The following PTPN4 variants were observed in gnomAD, a reference collection of about 807,000 sequenced individuals.
The protein encoded by PTPN4 is tyrosine-protein phosphatase non-receptor type 4.
Under a neutral mutation model 135.5 loss-of-function variants are expected in PTPN4, and 49 were observed. The observed-to-expected ratio is 0.36, with a 90% CI of 0.29 to 0.46. The LOEUF is 0.46. Among genes scored for constraint, PTPN4 ranks in the 20% least tolerant of loss-of-function variants. The probability of loss-of-function intolerance (pLI) is 1.00; values close to 1 mark genes in which losing one functional copy is unlikely to be tolerated. For missense variants in PTPN4, 860 were observed against 1,101.0 expected, an observed-to-expected ratio of 0.78 and a Z score of 3.10; for synonymous variants, 333 against 369.9, an observed-to-expected ratio of 0.90 and a Z score of 1.14.
intron 12 of PTPN4, among the ~76,000 whole-genome samples, chr2:119,920,831 T>C (rs72971037): frequency 0.021 from 3,267 of 152,326 alleles, 116 homozygotes; most frequent in African/African-American, 0.074. Flanking sequence ...CTGATTAGTT[T>C]TACCTTTGGA....
chr2:119,970,287 T>G (rs201239349), intron 26 of PTPN4, among the ~76,000 whole-genome samples: 1 of 151,630 alleles, frequency 6.6e-6, no homozygotes, highest in African/African-American at 2.4e-5. Context: ...CTTGAACTCC[T>G]GACCTCAGGT....
chr2:119,807,501 T>C (rs558677822), intron 1 of PTPN4, among the ~76,000 whole-genome samples: 1 of 152,260 alleles, frequency 6.6e-6, no homozygotes, highest in South Asian at 2.1e-4. Flanking sequence ...CCTGGGCACA[T>C]ACACCCTCCC....
At chr2:119,880,987 A>C (rs1422113201) in intron 5 of PTPN4, among the ~76,000 whole-genome samples, 1 of 152,130 alleles carries the variant, frequency 6.6e-6, no homozygotes, top group Non-Finnish European at 1.5e-5. Flanking sequence ...TAGTGAAATA[A>C]AAAATCTTAA....
chr2:119,761,462 A>G (rs1445005675), intron 1 of PTPN4, among the ~76,000 whole-genome samples: 1 of 152,234 alleles, frequency 6.6e-6, no homozygotes, highest in Non-Finnish European at 1.5e-5. Context: ...CTTGAATTTG[A>G]CTAATATAAA....
rs55911315 is a variant in PTPN4 at position 119,914,248 on chromosome 2, A to ATTTTTTTTTTTTTTTTTTT, written c.765-921_765-903dup. On this transcript the variant is annotated intron_variant, in intron 10 of 26. Coordinates refer to ENST00000263708, the MANE Select transcript of PTPN4 (RefSeq NM_002830.4). ...CATAAATACAGTCAATAGTTACTCA[A>ATTTTTTTTTTTTTTTTTTT]TTTTTTTTTTTTTTTTTTTTTTTTT... Among the ~76,000 whole-genome samples the ATTTTTTTTTTTTTTTTTTT allele has an allele frequency of 4.2e-4, 41 of 97,416 alleles. 6 individuals are homozygous for ATTTTTTTTTTTTTTTTTTT. The highest frequency in any genetic ancestry group is 2.1e-3 in the African/African-American group (36 of 17,058). The allele number at this position is 97,416 out of a possible 152,430, so 63.9% of individuals were successfully genotyped here. A position where few individuals can be genotyped will look rare whatever the true frequency, so the allele number is the denominator to read the frequency against.
chr2:119,805,331 T>C (rs1343866486), intron 1 of PTPN4, among the ~76,000 whole-genome samples: 1 of 152,206 alleles, frequency 6.6e-6, no homozygotes, highest in Non-Finnish European at 1.5e-5. Context: ...GTTTTTGCCA[T>C]TGCTTTTGGT....
intron 9 of PTPN4, among the ~76,000 whole-genome samples, chr2:119,888,584 A>G (rs1219707019): frequency 6.6e-6 from 1 of 152,072 alleles, no homozygotes; most frequent in East Asian, 1.9e-4. Context: ...TGAGATGGTT[A>G]TATGGTTTTT....
At chr2:119,904,178 G>A (rs563742299) in intron 10 of PTPN4, among the ~76,000 whole-genome samples, 1 of 151,196 alleles carries the variant, frequency 6.6e-6, no homozygotes, top group South Asian at 2.1e-4. Flanking sequence ...GAGATATCAA[G>A]AAAACCATTC....
In PTPN4 at chr2:119,920,147, GAAC is replaced by G. The variant is rs771910416; in HGVS notation, c.909_911del (p.Glu303_His304delinsAsp). 6.2e-7 allele frequency: 1 copy of G among 1,613,602 alleles called. No individual in the cohort carries two copies. The highest frequency in any genetic ancestry group is 2.2e-5 in the East Asian group (1 of 44,836). ...TAAAAATTTGTGGAAAGCATGTGTA[GAAC>G]ATCACACATTCTTCCGTTTGGACAG... On this transcript the variant is annotated inframe_deletion, in exon 12 of 27. Transcript: ENST00000263708.
rs1452609922 is a variant in PTPN4 at position 119,850,982 on chromosome 2, A to G, written c.139-11554A>G. On this transcript the variant is annotated intron_variant, in intron 2 of 26. Transcript: ENST00000263708. Reference sequence around the variant, plus strand: ...TTTTGCATCTGTGTTCATGAGAAACATTAGTCTGTAGTTTTCTCTTTTATA... The same window carrying G: ...TTTTGCATCTGTGTTCATGAGAAACGTTAGTCTGTAGTTTTCTCTTTTATA... 5.3e-5 allele frequency among the ~76,000 whole-genome samples: 8 copies of G among 152,186 alleles called. No homozygotes were observed. In the South Asian group the frequency reaches 1.7e-3, roughly 32 times the overall value.
At chr2:119,941,011 T>C (rs1441900266) in intron 15 of PTPN4, among the ~76,000 whole-genome samples, 1 of 152,212 alleles carries the variant, frequency 6.6e-6, no homozygotes, top group African/African-American at 2.4e-5. Flanking sequence ...GGGTACCAGC[T>C]GTAATTTCTG....
At chr2:119,793,524 A>G (rs1350954547) in intron 1 of PTPN4, among the ~76,000 whole-genome samples, 1 of 152,216 alleles carries the variant, frequency 6.6e-6, no homozygotes, top group Non-Finnish European at 1.5e-5. Context: ...GCTTACAAAG[A>G]TGATGGGATT....
chr2:119,927,624 T>C (rs917079433), intron 13 of PTPN4, among the ~76,000 whole-genome samples: 4 of 152,140 alleles, frequency 2.6e-5, no homozygotes, highest in African/African-American at 9.7e-5. Context: ...TAAGGAACGT[T>C]TTGTAGGCAG....
chr2:119,836,018 G>A (rs1010518672), intron 2 of PTPN4, among the ~76,000 whole-genome samples: 17 of 151,184 alleles, frequency 1.1e-4, no homozygotes, highest in African/African-American at 4.1e-4. Context: ...GCAGTGAGCC[G>A]AGATCACGCC....
intron 2 of PTPN4, among the ~76,000 whole-genome samples, chr2:119,855,578 A>G (rs1461876028): frequency 6.6e-6 from 1 of 152,044 alleles, no homozygotes; most frequent in Non-Finnish European, 1.5e-5. Context: ...TGCCGTTTGG[A>G]ATTTGACATG....
rs1289882984 is a variant in PTPN4, at chr2:119,784,274, T to C, written c.-18+23890T>C. The stretch of plus-strand genomic sequence containing the variant: ...ATCAAGAGAGGTGATGTAGACTCCC[T>C]TTTTTTTTTTTTTTTTTTGAGACAG... On this transcript the variant is annotated intron_variant, in intron 1 of 26. Coordinates refer to ENST00000263708, the MANE Select transcript of PTPN4 (RefSeq NM_002830.4). 4.7e-4 allele frequency among the ~76,000 whole-genome samples: 60 copies of C among 129,016 alleles called. 1 individual carries two copies. The highest frequency in any genetic ancestry group is 2.9e-5 in the African/African-American group (1 of 34,846). The allele number at this position is 129,016 out of a possible 152,430, so 84.6% of individuals were successfully genotyped here.
intron 8 of PTPN4, among the ~76,000 whole-genome samples, chr2:119,883,030 T>TA (rs1208817194): frequency 6.6e-6 from 1 of 152,154 alleles, no homozygotes; most frequent in Non-Finnish European, 1.5e-5. Context: ...AATTAATTTT[T>TA]AAAAAATATT....
intron 2 of PTPN4, among the ~76,000 whole-genome samples, chr2:119,844,352 C>G (rs1473792531): frequency 6.1e-5 from 3 of 49,520 alleles, no homozygotes; most frequent in East Asian, 3.8e-4. Context: ...GGGGCTGACC[C>G]CCCCCCCCCA....
chr2:119,950,424 A>G (rs1041245751), intron 18 of PTPN4, among the ~76,000 whole-genome samples: 9 of 152,248 alleles, frequency 5.9e-5, no homozygotes, highest in African/African-American at 2.2e-4. Flanking sequence ...GAATTATCTC[A>G]TCTTCACAAC....
Sources: allele counts gnomAD v4.1 joint callset (sites outside exome capture counted in the v4.1 genomes callset), GRCh38; gene constraint gnomAD v4.1.1; transcripts MANE v1.5; gene names NCBI Gene and HGNC (gene_info 2026-07-23, HGNC 2026-07-21).